Variants in TIMP2 observed in about 807,000 individuals in gnomAD.
The protein encoded by TIMP2 is TIMP metallopeptidase inhibitor 2, also known as metalloproteinase inhibitor 2.
TIMP2 carries 5 observed loss-of-function variants against 24.3 expected under a neutral mutation model. That is an observed-to-expected ratio of 0.21 (90% CI 0.11 to 0.43). The LOEUF (loss-of-function observed/expected upper bound fraction) is 0.43, where lower values mean the gene tolerates loss of function less well. Among genes scored for constraint, TIMP2 ranks in the 20% least tolerant of loss-of-function variants. The pLI is 1.00. For missense variants in TIMP2, 221 were observed against 297.5 expected (o/e 0.74, Z 1.89); for synonymous variants, 130 against 123.2 (o/e 1.06, Z -0.37).
At chr17:78,876,157 TG>T (rs562518968) in intron 1 of TIMP2, among the ~76,000 whole-genome samples, 2 of 152,130 alleles carry the variant, frequency 1.3e-5, no homozygotes, top group Non-Finnish European at 2.9e-5. Flanking sequence ...CGTTCGTTTC[TG>T]CTCAAACATC....
intron 1 of TIMP2, among the ~76,000 whole-genome samples, chr17:78,921,811 C>T (rs2070310368): frequency 6.6e-6 from 1 of 152,192 alleles, no homozygotes; most frequent in South Asian, 2.1e-4. Flanking sequence ...ATTATCTTTG[C>T]CGACCACAGT....
Position 78,872,746 on chromosome 17 carries a change from A to T in TIMP2, c.231+1073T>A, listed in dbSNP as rs1032083195. Among the ~76,000 whole-genome samples the T allele has an allele frequency of 2.0e-5, 3 of 152,200 alleles. No homozygotes were observed. The South Asian group carries it at 6.2e-4, about 32-fold the overall frequency. On this transcript the variant is annotated intron_variant, in intron 2 of 4. Transcript: ENST00000262768. The stretch of plus-strand genomic sequence containing the variant: ...AAGAAAGAGACTCAGGCACTGAGAG[A>T]CTAGGTCATCCCCTTAAACTGACAT...
intron 1 of TIMP2, among the ~76,000 whole-genome samples, chr17:78,890,283 C>T (rs1159605947): frequency 6.6e-6 from 1 of 150,664 alleles, no homozygotes; most frequent in Non-Finnish European, 1.5e-5. Context: ...CTCACTGCAA[C>T]CTCCGCCTCC....
Position 78,902,252 on chromosome 17 carries a change from C to T in TIMP2, c.130+22707G>A, listed in dbSNP as rs548448445. ...CTTCCCAAGTAGCTGGGACTACAGG[C>T]GCACGCCACCACACCCAGCTAATTT... On this transcript the variant is annotated intron_variant, in intron 1 of 4. Transcript: ENST00000262768. Among the ~76,000 whole-genome samples, 19 of 152,306 alleles carry T rather than the reference C, an allele frequency of 1.2e-4. No homozygotes were observed. In the South Asian group the frequency reaches 3.5e-3, roughly 28 times the overall value.
chr17:78,887,910 G>A (rs2069839348), intron 1 of TIMP2, among the ~76,000 whole-genome samples: 1 of 152,084 alleles, frequency 6.6e-6, no homozygotes, highest in Non-Finnish European at 1.5e-5. Context: ...TATGATCCTG[G>A]AAAGAAGCTC....
chr17:78,921,578 G>T (rs2070308925), intron 1 of TIMP2, among the ~76,000 whole-genome samples: 1 of 152,180 alleles, frequency 6.6e-6, no homozygotes, highest in African/African-American at 2.4e-5. Flanking sequence ...CTAATTTCCA[G>T]CCAGATCCCT....
intron 3 of TIMP2, among the ~76,000 whole-genome samples, chr17:78,865,173 A>G (rs1227771395): frequency 6.6e-6 from 1 of 152,222 alleles, no homozygotes; most frequent in African/African-American, 2.4e-5. Flanking sequence ...CGAGGTGTCT[A>G]GAATGGGCAA....
intron 1 of TIMP2, chr17:78,899,006 G>A (rs1406142099): frequency 6.6e-6 from 1 of 152,300 alleles, no homozygotes; most frequent in Non-Finnish European, 1.5e-5. Flanking sequence ...CCAAAGTGCT[G>A]GGATTCCAGG....
intron 3 of TIMP2, among the ~76,000 whole-genome samples, chr17:78,864,924 C>A (rs1392111985): frequency 6.6e-6 from 1 of 151,936 alleles, no homozygotes; most frequent in Non-Finnish European, 1.5e-5. Context: ...CGTGGTGGTG[C>A]ATGCCTGTAA....
At chr17:78,902,026 G>A (rs764234960) in intron 1 of TIMP2, 26 of 546,764 alleles carry the variant, frequency 4.8e-5, no homozygotes, top group Non-Finnish European at 7.8e-5. Flanking sequence ...TCCATGACAC[G>A]CTGTGTGCTG....
At chr17:78,907,854 C>T (rs1413921937) in intron 1 of TIMP2, among the ~76,000 whole-genome samples, 1 of 152,182 alleles carries the variant, frequency 6.6e-6, no homozygotes, top group East Asian at 1.9e-4. Flanking sequence ...AACGTTCTGG[C>T]CAGGTGTGGT....
chr17:78,870,956 G>A lies in TIMP2; in HGVS notation c.282C>T (p.Ser94=). The change falls in exon 3 of 5, where the codon TCC becomes TCT. Residue 94 remains serine (S), a synonymous_variant. Coordinates refer to ENST00000262768, the MANE Select transcript of TIMP2 (RefSeq NM_003255.5). ...CCAGCGAGACCCCACACACTGCCGA[G>A]GAGGGGGCCGTGTAGATAAACTCTA... is the stretch of plus-strand genomic sequence containing the variant. ...KDIEFIYTAP[S]SAVCGVSLDV... 3 of 1,613,968 alleles carry A rather than the reference G, an allele frequency of 1.9e-6. No individual in the cohort carries two copies. Among genetic ancestry groups the A allele is most frequent in the Non-Finnish European group, 2.5e-6 (3 of 1,179,952 alleles).
rs1285405832 is a variant in TIMP2 at position 78,896,495 on chromosome 17, C to T, written c.131-22576G>A. On this transcript the variant is annotated intron_variant, in intron 1 of 4. Transcript: ENST00000262768. The surrounding 1 kb of genome is among the most constrained non-coding windows in gnomAD (Gnocchi z 4.4). ...CAGCTCCCCTCCCAGAGGCACCTGC[C>T]CTCTCTGGTTGCTTAGAATATTCTA... is the stretch of plus-strand genomic sequence containing the variant. 6.6e-6 allele frequency among the ~76,000 whole-genome samples: 1 copy of T among 152,122 alleles called. No homozygotes were observed. Among genetic ancestry groups the T allele is most frequent in the Non-Finnish European group, 1.5e-5 (1 of 68,026 alleles).
At chr17:78,900,375 G>A (rs1458096623) in intron 1 of TIMP2, among the ~76,000 whole-genome samples, 5 of 151,960 alleles carry the variant, frequency 3.3e-5, no homozygotes, top group East Asian at 1.9e-4. Flanking sequence ...GTGAAACCTC[G>A]TCTCTACTAA....
At chr17:78,894,100 A>G (rs1448821185) in intron 1 of TIMP2, among the ~76,000 whole-genome samples, 1 of 152,168 alleles carries the variant, frequency 6.6e-6, no homozygotes, top group Admixed American at 6.5e-5. Context: ...CATCTACATT[A>G]CAGCTAACAT....
At chr17:78,876,548 C>A (rs1255478177) in intron 1 of TIMP2, among the ~76,000 whole-genome samples, 1 of 152,018 alleles carries the variant, frequency 6.6e-6, no homozygotes, top group Non-Finnish European at 1.5e-5. Context: ...CGGAGTTTCA[C>A]TTTTGTCACC....
At chr17:78,874,377 C>T (rs2377004) in intron 1 of TIMP2, among the ~76,000 whole-genome samples, 81,466 of 151,896 alleles carry the variant, frequency 0.54, 25,177 homozygotes, top group Admixed American at 0.68. Context: ...ACACATTCCG[C>T]GAAGGATGGG....
chr17:78,887,512 A>G lies in TIMP2; in HGVS notation c.131-13593T>C, dbSNP rs56871870. Among the ~76,000 whole-genome samples the G allele has an allele frequency of 2.1e-3, 315 of 152,148 alleles. 6 individuals carry two copies. The East Asian group carries it at 0.051, about 25-fold the overall frequency. ...CGATTCTCCTGCCTCAGCCTCCCGA[A>G]TAGCTGGGACTACAAGTGCGCGCCG... is the stretch of plus-strand genomic sequence containing the variant. On this transcript the variant is annotated intron_variant, in intron 1 of 4. Transcript: ENST00000262768.
chr17:78,857,748 A>G, intron 3 of TIMP2, 102 bp from the exon 4 acceptor site: 1 of 1,463,284 alleles, frequency 6.8e-7, no homozygotes, highest in Non-Finnish European at 9.3e-7. Context: ...CGTTGCAACA[A>G]TCCTGTGCAC....
Sources: allele counts gnomAD v4.1 joint callset (sites outside exome capture counted in the v4.1 genomes callset), GRCh38; gene constraint gnomAD v4.1.1; non-coding constraint Gnocchi (gnomAD v3.1); transcripts MANE v1.5; gene names NCBI Gene and HGNC (gene_info 2026-07-23, HGNC 2026-07-21).